The following NLGN4Y variants were observed in gnomAD, a reference collection of about 807,000 sequenced individuals.
NLGN4Y encodes the protein neuroligin-4, Y-linked.
NLGN4Y carries 4 observed loss-of-function variants against 8.4 expected under a neutral mutation model. The observed-to-expected ratio is 0.48, with a 90% CI of 0.23 to 1.09. NLGN4Y has a LOEUF of 1.09. Among genes scored for constraint, NLGN4Y ranks in the 50% least tolerant of loss-of-function variants. The pLI is 0.19. For missense variants in NLGN4Y, 90 were observed against 192.3 expected (o/e 0.47, Z 3.15); for synonymous variants, 35 against 75.6 (o/e 0.46, Z 2.78).
At chrY:14,738,566 A>G in intron 4 of NLGN4Y, among the ~76,000 whole-genome samples, 1 of 32,723 alleles carries the variant, frequency 3.1e-5, no homozygotes, top group Non-Finnish European at 7.5e-5. Flanking sequence ...TTGCCTCTCT[A>G]CAGAAGAGAA....
At chrY:14,801,162 T>G in intron 4 of NLGN4Y, 1 of 32,395 alleles carries the variant, frequency 3.1e-5, no homozygotes, top group Non-Finnish European at 7.5e-5. Flanking sequence ...TATAAGAAAA[T>G]CATTATTTTG....
At chrY:14,818,811 G>C (rs2150590942) in intron 4 of NLGN4Y, among the ~76,000 whole-genome samples, 1 of 33,511 alleles carries the variant, frequency 3.0e-5, no homozygotes, top group African/African-American at 1.2e-4. Context: ...GGCCATGACT[G>C]TGGCCTTTCA....
chrY:14,787,214 G>A, intron 4 of NLGN4Y, among the ~76,000 whole-genome samples: 1 of 31,328 alleles, frequency 3.2e-5, no homozygotes, highest in Non-Finnish European at 7.6e-5. Context: ...TTTTTTAAGA[G>A]ACAGTCGTGC....
chrY:14,664,333 A>G, intron 2 of NLGN4Y, among the ~76,000 whole-genome samples: 2 of 32,964 alleles, frequency 6.1e-5, no homozygotes, highest in Non-Finnish European at 1.5e-4. Context: ...GTCCCTGGGT[A>G]GAGATAAATT....
At chrY:14,776,135 T>C in intron 4 of NLGN4Y, among the ~76,000 whole-genome samples, 1 of 31,573 alleles carries the variant, frequency 3.2e-5, no homozygotes, top group Non-Finnish European at 7.6e-5. Flanking sequence ...CTTATGCTTC[T>C]ATAACTTTTG....
chrY:14,748,194 G>T (rs2081028989), intron 4 of NLGN4Y, among the ~76,000 whole-genome samples: 2 of 33,432 alleles, frequency 6.0e-5, no homozygotes, highest in African/African-American at 2.3e-4. Flanking sequence ...TGAGGAGGTA[G>T]CCCATCTGTT....
chrY:14,685,137 GTCGTT>G (rs2080784844), intron 2 of NLGN4Y, among the ~76,000 whole-genome samples: 1 of 33,015 alleles, frequency 3.0e-5, no homozygotes, highest in Admixed American at 2.8e-4. Context: ...CTTGTCATTA[GTCGTT>G]TCTGGGACTA....
intron 4 of NLGN4Y, among the ~76,000 whole-genome samples, chrY:14,733,087 G>T (rs955768066): frequency 9.1e-5 from 3 of 32,987 alleles, no homozygotes; most frequent in South Asian, 1.4e-3. Flanking sequence ...TAACCAATTG[G>T]CATCACTTAA....
intron 1 of NLGN4Y, among the ~76,000 whole-genome samples, chrY:14,531,638 CTTA>C (rs2080115480): frequency 3.3e-5 from 1 of 29,955 alleles, no homozygotes; most frequent in Non-Finnish European, 7.9e-5. Context: ...GTTTTGTATA[CTTA>C]TTTATTATAT....
At chrY:14,723,082 C>A in intron 3 of NLGN4Y, 35 bp from the exon 4 acceptor site, 1 of 383,288 alleles carries the variant, frequency 2.6e-6, no homozygotes, top group Middle Eastern at 6.1e-4. Flanking sequence ...CAGTAAGATT[C>A]TTTACTGCGT....
chrY:14,601,773 C>G, intron 1 of NLGN4Y, among the ~76,000 whole-genome samples: 1 of 32,459 alleles, frequency 3.1e-5, no homozygotes, highest in Admixed American at 2.8e-4. Flanking sequence ...ACCAAAAATA[C>G]AAAAATTAGC....
chrY:14,735,046 G>C lies in NLGN4Y; in HGVS notation c.685+11777G>C, dbSNP rs757530131. Among the ~76,000 whole-genome samples the C allele has an allele frequency of 8.7e-5, 3 of 34,383 alleles. No individual in the cohort carries two copies. The East Asian group carries it at 2.3e-3, about 26-fold the overall frequency. 92.2% of individuals were successfully genotyped at this position (34,383 alleles called of 37,273 possible). ...AGCGTGCCTCTAAGTATCATGTGAAGTAATTTAAATTATGCCATTTTTTAG... is the reference window on the plus strand; with the variant it reads ...AGCGTGCCTCTAAGTATCATGTGAACTAATTTAAATTATGCCATTTTTTAG... On this transcript the variant is annotated intron_variant, in intron 4 of 6. Coordinates refer to ENST00000684976, the MANE Select transcript of NLGN4Y (RefSeq NM_001365588.1).
intron 4 of NLGN4Y, among the ~76,000 whole-genome samples, chrY:14,784,622 C>T (rs2042955207): frequency 1.1e-4 from 3 of 26,828 alleles, no homozygotes; most frequent in Non-Finnish European, 2.6e-4. Context: ...ATTGCGCCAC[C>T]GCACTCCAAC....
chrY:14,593,313 C>G, intron 1 of NLGN4Y, among the ~76,000 whole-genome samples: 3 of 33,673 alleles, frequency 8.9e-5, no homozygotes, highest in Non-Finnish European at 1.5e-4. Flanking sequence ...TTTGTTCCCC[C>G]ACAGGGGCCT....
At chrY:14,539,165 T>C in intron 1 of NLGN4Y, among the ~76,000 whole-genome samples, 1 of 33,666 alleles carries the variant, frequency 3.0e-5, no homozygotes, top group African/African-American at 1.2e-4. Context: ...TCTTAGTCTT[T>C]CCTTGTTTTT....
intron 1 of NLGN4Y, among the ~76,000 whole-genome samples, chrY:14,577,872 T>C (rs949586908): frequency 1.8e-4 from 6 of 34,055 alleles, no homozygotes. Context: ...ATTTATCTAA[T>C]ACACCATGAA....
chrY:14,563,670 CTTT>C (rs2080242051), intron 1 of NLGN4Y, among the ~76,000 whole-genome samples: 1 of 33,132 alleles, frequency 3.0e-5, no homozygotes, highest in East Asian at 8.0e-4. Flanking sequence ...ATGCCTGGTC[CTTT>C]TTTATTTGTT....
rs2080244451 is a variant in NLGN4Y at position 14,564,490 on chromosome Y, A to G, written c.-112+39782A>G. On this transcript the variant is annotated intron_variant, in intron 1 of 6. Coordinates refer to ENST00000684976, the MANE Select transcript of NLGN4Y (RefSeq NM_001365588.1). ...GAGTAGGTGGTTTTATGGCCACAGT[A>G]TAAACAAAGCTGCCAGGAAGTTCAA... 8.9e-5 allele frequency among the ~76,000 whole-genome samples: 3 copies of G among 33,576 alleles called. No individual in the cohort carries two copies. The South Asian group carries it at 2.0e-3, about 22-fold the overall frequency. 90.1% of individuals were successfully genotyped at this position (33,576 alleles called of 37,273 possible). A position where few individuals can be genotyped will look rare whatever the true frequency, so the allele number is the denominator to read the frequency against.
chrY:14,566,753 T>C, intron 1 of NLGN4Y, among the ~76,000 whole-genome samples: 1 of 33,109 alleles, frequency 3.0e-5, no homozygotes, highest in Non-Finnish European at 7.4e-5. Context: ...TATTCTATAA[T>C]GGACCACAGA....
Sources: allele counts gnomAD v4.1 joint callset (sites outside exome capture counted in the v4.1 genomes callset), GRCh38; gene constraint gnomAD v4.1.1; transcripts MANE v1.5; gene names NCBI Gene and HGNC (gene_info 2026-07-23, HGNC 2026-07-21).